The following RREB1 variants were observed in gnomAD, a reference collection of about 807,000 sequenced individuals.
The protein encoded by RREB1 is ras responsive element binding protein 1.
In RREB1, 27 loss-of-function variants were observed where a neutral mutation model predicts 117.8. The observed-to-expected ratio is 0.23, with a 90% confidence interval of 0.17 to 0.32. The LOEUF (loss-of-function observed/expected upper bound fraction) is 0.32. Among genes scored for constraint, RREB1 ranks in the 10% least tolerant of loss-of-function variants. RREB1 has a pLI of 1.00. For missense variants in RREB1, 2,577 were observed against 2,378.2 expected, an observed-to-expected ratio of 1.08 and a Z score of -1.74; for synonymous variants, 1,298 against 1,026.7, an observed-to-expected ratio of 1.26 and a Z score of -5.05.
intron 4 of RREB1, chr6:7,185,084 G>T: frequency 6.6e-6 from 1 of 152,122 alleles, no homozygotes; most frequent in East Asian, 1.9e-4. Context: ...GTAGAACTGG[G>T]CAGAGAAGGT....
At chr6:7,177,243 G>A (rs1384998499) in intron 2 of RREB1, among the ~76,000 whole-genome samples, 9 of 141,266 alleles carry the variant, frequency 6.4e-5, no homozygotes, top group African/African-American at 1.6e-4. Flanking sequence ...AAAAAAAAAA[G>A]GAGGAAAGAA....
intron 1 of RREB1, among the ~76,000 whole-genome samples, chr6:7,164,516 A>G (rs187776187): frequency 1.9e-3 from 294 of 152,214 alleles, no homozygotes; most frequent in Non-Finnish European, 3.3e-3. Flanking sequence ...TGGAACTCCT[A>G]CCCTTGTATG....
In RREB1 at chr6:7,249,929, G is replaced by A. The variant is rs776795715; in HGVS notation, c.*961G>A. 5 of 152,566 alleles carry A rather than the reference G, an allele frequency of 3.3e-5. No individual in the cohort carries two copies. The highest frequency in any genetic ancestry group is 2.0e-4 in the Admixed American group (3 of 15,274). 9.5% of individuals were successfully genotyped at this position (152,566 alleles called of 1,614,324 possible). A position where few individuals can be genotyped will look rare whatever the true frequency, so the allele number is the denominator to read the frequency against. On this transcript the variant is annotated 3_prime_UTR_variant, in exon 13 of 13. Transcript: ENST00000379938. Reference sequence around the variant, plus strand: ...GGTCCCCGTGTTAACGTGTGCCTGCGGTTGTGGTTGGCACCCTCGGGTGGT... The same window carrying A: ...GGTCCCCGTGTTAACGTGTGCCTGCAGTTGTGGTTGGCACCCTCGGGTGGT...
At chr6:7,109,977 C>G (rs575401280) in intron 1 of RREB1, among the ~76,000 whole-genome samples, 36 of 152,282 alleles carry the variant, frequency 2.4e-4, no homozygotes, top group African/African-American at 8.4e-4. Context: ...AAGCTTAGCT[C>G]TTTAAAAGCC....
chr6:7,199,849 G>A (rs1329748141), intron 6 of RREB1, among the ~76,000 whole-genome samples: 1 of 151,848 alleles, frequency 6.6e-6, no homozygotes, highest in Non-Finnish European at 1.5e-5. Context: ...CTTTCTTAGT[G>A]TGGATTTGCA....
At chr6:7,144,796 C>T (rs941425364) in intron 1 of RREB1, among the ~76,000 whole-genome samples, 1 of 152,204 alleles carries the variant, frequency 6.6e-6, no homozygotes, top group Non-Finnish European at 1.5e-5. Context: ...AAACATCTTA[C>T]AGCAACCAAC....
chr6:7,126,178 T>A (rs1318465489), intron 1 of RREB1, among the ~76,000 whole-genome samples: 2 of 152,028 alleles, frequency 1.3e-5, no homozygotes, highest in African/African-American at 4.8e-5. Context: ...ATTTTTGTAT[T>A]TTTAGTAGAG....
intron 2 of RREB1, among the ~76,000 whole-genome samples, chr6:7,177,079 C>A (rs556184926): frequency 6.6e-6 from 1 of 151,878 alleles, no homozygotes; most frequent in South Asian, 2.1e-4. Flanking sequence ...ATTAGCCAGG[C>A]GTGGTGGTGC....
chr6:7,185,399 G>C (rs1170262765), intron 4 of RREB1: 2 of 152,000 alleles, frequency 1.3e-5, no homozygotes, highest in Non-Finnish European at 2.9e-5. Context: ...GCAAAACCCC[G>C]TCTCTACTAA....
At chr6:7,171,158 A>G (rs1764187432) in intron 1 of RREB1, among the ~76,000 whole-genome samples, 1 of 152,212 alleles carries the variant, frequency 6.6e-6, no homozygotes, top group South Asian at 2.1e-4. Flanking sequence ...GGCTGCTTCT[A>G]GAACACAAGG....
chr6:7,173,520 A>T (rs2113504769), intron 1 of RREB1, among the ~76,000 whole-genome samples: 1 of 151,742 alleles, frequency 6.6e-6, no homozygotes, highest in South Asian at 2.1e-4. Flanking sequence ...AAAAAAAAAG[A>T]ACTCTCAGGT....
intron 6 of RREB1, among the ~76,000 whole-genome samples, chr6:7,210,281 T>G (rs1766510907): frequency 6.6e-6 from 1 of 152,258 alleles, no homozygotes; most frequent in Non-Finnish European, 1.5e-5. Flanking sequence ...CTTTCAGGTC[T>G]TAAGCACTCT....
intron 1 of RREB1, among the ~76,000 whole-genome samples, chr6:7,155,249 T>A (rs770685071): frequency 6.6e-6 from 1 of 152,206 alleles, no homozygotes; most frequent in Non-Finnish European, 1.5e-5. Context: ...CCTGATTCCA[T>A]CAGGTGGTCT....
chr6:7,153,116 T>G (rs1763195051), intron 1 of RREB1, among the ~76,000 whole-genome samples: 1 of 151,634 alleles, frequency 6.6e-6, no homozygotes, highest in South Asian at 2.1e-4. Context: ...TTTTTTTTTT[T>G]TTTTTTTTTT....
intron 6 of RREB1, among the ~76,000 whole-genome samples, chr6:7,194,859 A>G (rs998412753): frequency 3.3e-5 from 5 of 152,206 alleles, no homozygotes; most frequent in Admixed American, 6.5e-5. Flanking sequence ...CGTAATGACA[A>G]TCTAAGGAAG....
intron 1 of RREB1, among the ~76,000 whole-genome samples, chr6:7,133,295 C>A (rs1226620318): frequency 6.6e-6 from 1 of 152,092 alleles, no homozygotes; most frequent in Non-Finnish European, 1.5e-5. Flanking sequence ...GGTGCCTGGA[C>A]GGGCTTGTAT....
intron 2 of RREB1, among the ~76,000 whole-genome samples, chr6:7,179,780 G>A (rs1764695420): frequency 1.3e-5 from 2 of 150,486 alleles, no homozygotes; most frequent in Non-Finnish European, 2.9e-5. Flanking sequence ...GTTAAAAACA[G>A]AAAGTTTGAA....
At chr6:7,130,004 G>A (rs1282520136) in intron 1 of RREB1, among the ~76,000 whole-genome samples, 1 of 152,174 alleles carries the variant, frequency 6.6e-6, no homozygotes, top group Non-Finnish European at 1.5e-5. Context: ...CCGTGAGCTG[G>A]TGAACCTACT....
chr6:7,174,516 G>T (rs1464304899), intron 1 of RREB1, among the ~76,000 whole-genome samples: 4 of 152,094 alleles, frequency 2.6e-5, no homozygotes, highest in Non-Finnish European at 5.9e-5. Context: ...AAATGAAGGG[G>T]AGGCAGCAGA....
Sources: allele counts gnomAD v4.1 joint callset (sites outside exome capture counted in the v4.1 genomes callset), GRCh38; gene constraint gnomAD v4.1.1; transcripts MANE v1.5; gene names NCBI Gene and HGNC (gene_info 2026-07-23, HGNC 2026-07-21).